Variants in TNPO1 observed in about 807,000 individuals in gnomAD.
TNPO1 encodes transportin-1.
Under a neutral mutation model 119.5 loss-of-function variants are expected in TNPO1, and 8 were observed. The observed-to-expected ratio is 0.07, with a 90% CI of 0.04 to 0.12. The LOEUF (loss-of-function observed/expected upper bound fraction) is 0.12. Ranked by LOEUF, TNPO1 falls within the 10% of genes least tolerant of loss-of-function variation. The pLI, the probability that TNPO1 is intolerant of heterozygous loss-of-function variation, is 1.00. For missense variants in TNPO1, 576 were observed against 1,089.8 expected (o/e 0.53, Z 6.64); for synonymous variants, 362 against 363.0 (o/e 1.00, Z 0.03).
At chr5:72,817,424 G>C (rs1233171236) in intron 1 of TNPO1, among the ~76,000 whole-genome samples, 1 of 152,232 alleles carries the variant, frequency 6.6e-6, no homozygotes, top group Non-Finnish European at 1.5e-5. Context: ...CTGAGGAGCA[G>C]ATTGGCCACC....
intron 18 of TNPO1, among the ~76,000 whole-genome samples, chr5:72,894,904 TATATG>T (rs1280583127): frequency 3.3e-5 from 5 of 152,164 alleles, no homozygotes; most frequent in African/African-American, 7.2e-5. Context: ...AGTTGAAACT[TATATG>T]AAAGGATTTA....
intron 1 of TNPO1, among the ~76,000 whole-genome samples, chr5:72,828,632 T>C (rs1462205046): frequency 6.6e-6 from 1 of 152,170 alleles, no homozygotes; most frequent in Admixed American, 6.5e-5. Flanking sequence ...TATTATCTTA[T>C]GAAACTGCAT....
chr5:72,908,356 A>G (rs1371529911), intron 24 of TNPO1, among the ~76,000 whole-genome samples: 1 of 152,222 alleles, frequency 6.6e-6, no homozygotes, highest in Non-Finnish European at 1.5e-5. Context: ...CTTGTTATAT[A>G]AGAAATAACA....
chr5:72,855,667 A>G (rs1223339375), intron 3 of TNPO1, 107 bp from the exon 4 acceptor site: 1 of 898,820 alleles, frequency 1.1e-6, no homozygotes, highest in African/African-American at 1.7e-5. Context: ...GGTTATAGCA[A>G]GTTTGAATGT....
chr5:72,816,845 C>G (rs974057103), intron 1 of TNPO1, 93 bp downstream of exon 1: 1 of 1,415,356 alleles, frequency 7.1e-7, no homozygotes, highest in African/African-American at 1.5e-5. Flanking sequence ...GGGAGAGACG[C>G]CGGGCTCGCC....
At chr5:72,852,069 T>C (rs1427342826) in intron 3 of TNPO1, among the ~76,000 whole-genome samples, 1 of 152,228 alleles carries the variant, frequency 6.6e-6, no homozygotes, top group African/African-American at 2.4e-5. Context: ...CCTTCTCTGC[T>C]CTTATATGGT....
chr5:72,822,897 C>G (rs940201356), intron 1 of TNPO1, among the ~76,000 whole-genome samples: 1 of 144,254 alleles, frequency 6.9e-6, no homozygotes, highest in African/African-American at 2.6e-5. Context: ...CCGGCCTGGC[C>G]TGGGTCTACA....
At chr5:72,897,903 G>A (rs1749550642) in intron 20 of TNPO1, among the ~76,000 whole-genome samples, 1 of 151,752 alleles carries the variant, frequency 6.6e-6, no homozygotes, top group Non-Finnish European at 1.5e-5. Flanking sequence ...ATTAAAATAA[G>A]GTTTTCCAAA....
intron 4 of TNPO1, 152 bp from the exon 5 acceptor site, chr5:72,861,656 G>A (rs1285520827): frequency 4.0e-5 from 22 of 556,014 alleles, no homozygotes; most frequent in South Asian, 1.3e-4. Context: ...TGCCCGCCTC[G>A]GCCTCCCAGA....
At chr5:72,848,910 A>T (rs1456102472) in intron 2 of TNPO1, among the ~76,000 whole-genome samples, 1 of 151,608 alleles carries the variant, frequency 6.6e-6, no homozygotes, top group East Asian at 2.0e-4. Flanking sequence ...TGGGGGTGGC[A>T]GGCCGAGCGG....
At chr5:72,868,203 C>T (rs1747074043) in intron 6 of TNPO1, among the ~76,000 whole-genome samples, 1 of 151,762 alleles carries the variant, frequency 6.6e-6, no homozygotes, top group African/African-American at 2.4e-5. Context: ...GAGGCCGAGG[C>T]AGGCGGATCA....
chr5:72,841,680 A>G (rs1160729634), intron 1 of TNPO1, among the ~76,000 whole-genome samples: 1 of 152,196 alleles, frequency 6.6e-6, no homozygotes, highest in African/African-American at 2.4e-5. Flanking sequence ...ACTGATAGCT[A>G]TAATTTAACA....
chr5:72,897,402 G>A (rs550949271), intron 20 of TNPO1, among the ~76,000 whole-genome samples: 5 of 151,934 alleles, frequency 3.3e-5, no homozygotes, highest in African/African-American at 1.2e-4. Flanking sequence ...AATACTTCCT[G>A]CAATGGATCC....
At chr5:72,857,048 C>T (rs902027519) in intron 4 of TNPO1, among the ~76,000 whole-genome samples, 31 of 152,126 alleles carry the variant, frequency 2.0e-4, no homozygotes, top group African/African-American at 7.2e-4. Flanking sequence ...TGACTGGGCA[C>T]GATGGCTCAC....
At chr5:72,902,931 A>T (rs1244048770) in intron 22 of TNPO1, among the ~76,000 whole-genome samples, 8 of 152,194 alleles carry the variant, frequency 5.3e-5, no homozygotes, top group African/African-American at 1.9e-4. Flanking sequence ...CTGTAGTATT[A>T]CCAAATTTTT....
chr5:72,905,097 G>C (rs1384379240), intron 23 of TNPO1, among the ~76,000 whole-genome samples: 1 of 152,172 alleles, frequency 6.6e-6, no homozygotes, highest in African/African-American at 2.4e-5. Flanking sequence ...GGAATTATGG[G>C]AGTACAATTC....
chr5:72,827,917 C>CAA (rs111327220), intron 1 of TNPO1, among the ~76,000 whole-genome samples: 39 of 79,330 alleles, frequency 4.9e-4, no homozygotes, highest in South Asian at 1.5e-3. Context: ...GAGATCCTGC[C>CAA]AAAAAAAAAA....
chr5:72,851,110 T>G, intron 2 of TNPO1, 134 bp from the exon 3 acceptor site: 2 of 639,220 alleles, frequency 3.1e-6, no homozygotes, highest in South Asian at 3.5e-5. Flanking sequence ...TAGTAAGATA[T>G]CCTTATTCTT....
chr5:72,866,345 A>G (rs555695588), intron 6 of TNPO1, among the ~76,000 whole-genome samples: 3 of 152,194 alleles, frequency 2.0e-5, no homozygotes, highest in Non-Finnish European at 2.9e-5. Context: ...TATTTCTGGC[A>G]TAGTTAACTG....
Sources: allele counts gnomAD v4.1 joint callset (sites outside exome capture counted in the v4.1 genomes callset), GRCh38; gene constraint gnomAD v4.1.1; transcripts MANE v1.5; gene names NCBI Gene and HGNC (gene_info 2026-07-23, HGNC 2026-07-21).